The following CTNND2 variants were observed in gnomAD, a reference collection of about 807,000 sequenced individuals.
CTNND2 encodes catenin delta 2, also known as catenin delta-2.
In CTNND2, 22 loss-of-function variants were observed where a neutral mutation model predicts 144.4. The observed-to-expected ratio is 0.15, with a 90% CI of 0.11 to 0.22. CTNND2 has a LOEUF of 0.22. Ranked by LOEUF, CTNND2 falls within the 10% of genes least tolerant of loss-of-function variation. The probability of loss-of-function intolerance (pLI) is 1.00; values close to 1 mark genes in which losing one functional copy is unlikely to be tolerated. For missense variants in CTNND2, 1,353 were observed against 1,618.8 expected, an observed-to-expected ratio of 0.84 and a Z score of 2.82; for synonymous variants, 751 against 695.6, an observed-to-expected ratio of 1.08 and a Z score of -1.25.
chr5:11,610,799 G>A (rs756179098), intron 2 of CTNND2, among the ~76,000 whole-genome samples: 24 of 152,200 alleles, frequency 1.6e-4, no homozygotes, highest in Non-Finnish European at 2.5e-4. Flanking sequence ...TGGATGAATT[G>A]TAGCTGCATA....
At chr5:11,308,032 G>A (rs1750435911) in intron 9 of CTNND2, among the ~76,000 whole-genome samples, 1 of 152,142 alleles carries the variant, frequency 6.6e-6, no homozygotes, top group African/African-American at 2.4e-5. Flanking sequence ...CAGTACACTG[G>A]CCCTCACCAC....
chr5:11,276,172 T>C (rs1364521946), intron 9 of CTNND2, among the ~76,000 whole-genome samples: 1 of 152,168 alleles, frequency 6.6e-6, no homozygotes, highest in East Asian at 1.9e-4. Context: ...GCTTCTGACA[T>C]GAGAGGAGAC....
At chr5:10,996,377 G>A (rs1351120333) in intron 18 of CTNND2, among the ~76,000 whole-genome samples, 1 of 151,686 alleles carries the variant, frequency 6.6e-6, no homozygotes, top group Non-Finnish European at 1.5e-5. Context: ...TTGAGGGAGG[G>A]GAGCGGAGAT....
intron 12 of CTNND2, among the ~76,000 whole-genome samples, chr5:11,140,783 A>T (rs1756650901): frequency 6.6e-6 from 1 of 152,194 alleles, no homozygotes; most frequent in African/African-American, 2.4e-5. Context: ...TTGGAGAGAA[A>T]ATGTACACGT....
At chr5:11,434,243 C>G (rs1192929891) in intron 3 of CTNND2, among the ~76,000 whole-genome samples, 3 of 152,156 alleles carry the variant, frequency 2.0e-5, no homozygotes, top group Non-Finnish European at 4.4e-5. Context: ...GCCATTGATT[C>G]CATTCAATAT....
rs145433776 is a variant in CTNND2, at chr5:11,752,512, T to C, written c.38-20240A>G. 1.3e-4 allele frequency among the ~76,000 whole-genome samples: 19 copies of C among 151,944 alleles called. No homozygotes were observed. In the East Asian group the frequency reaches 3.7e-3, roughly 29 times the overall value. On this transcript the variant is annotated intron_variant, in intron 1 of 21. Coordinates refer to ENST00000304623, the MANE Select transcript of CTNND2 (RefSeq NM_001332.4). Reference sequence around the variant, plus strand: ...TATCTGGCTTTATTTCTGGGCTCTCTATTCTGTTCCACTGGTCTATGTGTC... The same window carrying C: ...TATCTGGCTTTATTTCTGGGCTCTCCATTCTGTTCCACTGGTCTATGTGTC...
At chr5:11,901,367 A>C (rs1444739362) in intron 1 of CTNND2, among the ~76,000 whole-genome samples, 2 of 152,246 alleles carry the variant, frequency 1.3e-5, no homozygotes, top group East Asian at 3.8e-4. Context: ...TTAATTTTAG[A>C]AACTATTATG....
rs564428338 is a variant in CTNND2, at chr5:11,116,482, T to C, written c.2277+968A>G. 6.6e-5 allele frequency among the ~76,000 whole-genome samples: 10 copies of C among 152,378 alleles called. No individual in the cohort carries two copies. The South Asian group carries it at 2.1e-3, about 32-fold the overall frequency. The stretch of plus-strand genomic sequence containing the variant: ...ATTACCTGCATTACTTTATGACTAT[T>C]GGTAAAGTTTGTGTTTATAACAGGA... On this transcript the variant is annotated intron_variant, in intron 13 of 21. Coordinates refer to ENST00000304623, the MANE Select transcript of CTNND2 (RefSeq NM_001332.4).
chr5:11,142,476 C>T (rs1756826763), intron 12 of CTNND2, among the ~76,000 whole-genome samples: 1 of 152,186 alleles, frequency 6.6e-6, no homozygotes, highest in Admixed American at 6.5e-5. Context: ...GAGAGGAACA[C>T]ACCAGGAATA....
intron 12 of CTNND2, among the ~76,000 whole-genome samples, chr5:11,158,920 G>A (rs1293238401): frequency 1.3e-5 from 2 of 152,106 alleles, no homozygotes; most frequent in African/African-American, 4.8e-5. Flanking sequence ...TCATATCTTG[G>A]TAACTACTTT....
chr5:11,623,798 ATGTGTG>A (rs1370989684), intron 2 of CTNND2, among the ~76,000 whole-genome samples: 1 of 48,262 alleles, frequency 2.1e-5, no homozygotes, highest in African/African-American at 9.0e-5. Context: ...AAATATATAT[ATGTGTG>A]TATGTATATA....
chr5:11,204,602 T>G (rs539636174), intron 10 of CTNND2, among the ~76,000 whole-genome samples: 2 of 152,232 alleles, frequency 1.3e-5, no homozygotes, highest in Non-Finnish European at 2.9e-5. Context: ...TCTGCATATA[T>G]TGACAATAGC....
chr5:11,489,820 C>T (rs940852457), intron 3 of CTNND2, among the ~76,000 whole-genome samples: 18 of 152,156 alleles, frequency 1.2e-4, no homozygotes, highest in Non-Finnish European at 1.6e-4. Flanking sequence ...CATTTATCAT[C>T]GGCAGGCACA....
At chr5:11,318,476 G>A (rs1329197423) in intron 9 of CTNND2, among the ~76,000 whole-genome samples, 2 of 152,110 alleles carry the variant, frequency 1.3e-5, no homozygotes, top group African/African-American at 4.8e-5. Context: ...CCCACGTACA[G>A]GATGGGCACC....
intron 21 of CTNND2, among the ~76,000 whole-genome samples, chr5:10,979,144 A>T (rs1180603977): frequency 1.3e-5 from 2 of 152,148 alleles, no homozygotes; most frequent in Non-Finnish European, 2.9e-5. Flanking sequence ...TCCTATTACA[A>T]CCTGACAAGA....
At chr5:11,420,280 A>G (rs31882) in intron 3 of CTNND2, among the ~76,000 whole-genome samples, 48,900 of 151,992 alleles carry the variant, frequency 0.32, 10,681 homozygotes, top group African/African-American at 0.63. Flanking sequence ...CCGAGATGGC[A>G]CCACTGCATT....
intron 2 of CTNND2, among the ~76,000 whole-genome samples, chr5:11,593,923 C>CA (rs34750650): frequency 0.38 from 57,689 of 151,970 alleles, 11,185 homozygotes; most frequent in African/African-American, 0.45. Flanking sequence ...AGATAATGCC[C>CA]AAATTGGCAA....
chr5:11,265,560 T>C (rs1745350011), intron 9 of CTNND2, among the ~76,000 whole-genome samples: 1 of 152,090 alleles, frequency 6.6e-6, no homozygotes, highest in African/African-American at 2.4e-5. Flanking sequence ...CTGAATCTTT[T>C]ATTCCCTTAA....
chr5:11,819,515 T>C (rs1386869740), intron 1 of CTNND2, among the ~76,000 whole-genome samples: 1 of 152,176 alleles, frequency 6.6e-6, no homozygotes, highest in Non-Finnish European at 1.5e-5. Flanking sequence ...AGTAATTTTC[T>C]TTCCTGACAC....
Sources: allele counts gnomAD v4.1 joint callset (sites outside exome capture counted in the v4.1 genomes callset), GRCh38; gene constraint gnomAD v4.1.1; transcripts MANE v1.5; gene names NCBI Gene and HGNC (gene_info 2026-07-23, HGNC 2026-07-21).